Variants in CFAP74 observed in about 807,000 individuals in gnomAD.
The protein encoded by CFAP74 is cilia- and flagella-associated protein 74.
In CFAP74, 124 loss-of-function variants were observed where a neutral mutation model predicts 188.9. The observed-to-expected ratio is 0.66, with a 90% CI of 0.57 to 0.76. The LOEUF (loss-of-function observed/expected upper bound fraction) is 0.76. Ranked by LOEUF, CFAP74 falls within the 30% of genes least tolerant of loss-of-function variation. CFAP74 has a pLI of 0.00. For synonymous variants in CFAP74, 956 were observed against 916.7 expected (o/e 1.04, Z -0.77); for missense variants, 2,198 against 2,165.2 (o/e 1.02, Z -0.30).
chr1:1,960,135 A>G (rs1654975909), intron 14 of CFAP74, 105 bp from the exon 15 acceptor site: 2 of 957,356 alleles, frequency 2.1e-6, no homozygotes, highest in Admixed American at 5.2e-5. Context: ...CCTCCTCCCC[A>G]TCCCGGGCCT....
chr1:1,951,906 C>A (rs1420540942), intron 18 of CFAP74, among the ~76,000 whole-genome samples: 9 of 152,154 alleles, frequency 5.9e-5, no homozygotes, highest in Non-Finnish European at 1.2e-4. Context: ...CTCATGCAGA[C>A]TGCAGAGAAT....
rs1290853357 is a variant in CFAP74, at chr1:1,947,009, G to A, written c.2222C>T (p.Thr741Met). Reference sequence around the variant, plus strand: ...GCTGACCTCCCCCAGCGTGATCTCCGTCTGCTCTTCGCTGGGAGGTATCAC... The same window carrying A: ...GCTGACCTCCCCCAGCGTGATCTCCATCTGCTCTTCGCTGGGAGGTATCAC... Reference protein sequence around the residue: ...TTVIPPSEEQTEITLGEVTEG... With the variant: ...TTVIPPSEEQMEITLGEVTEG... Residue 741 changes from threonine to methionine, a missense_variant, in exon 19 of 39, where the codon ACG becomes ATG. By Grantham distance (81) the Thr-to-Met change is moderately conservative (BLOSUM62 -1). Transcript: ENST00000682832. The A allele has an allele frequency of 1.1e-5, 17 of 1,535,830 alleles. No homozygotes were observed. The highest frequency in any genetic ancestry group is 1.7e-4 in the Middle Eastern group (1 of 6,008).
intron 14 of CFAP74, among the ~76,000 whole-genome samples, chr1:1,961,917 T>C (rs951433394): frequency 6.6e-6 from 1 of 152,102 alleles, no homozygotes; most frequent in East Asian, 1.9e-4. Flanking sequence ...GGAGGGGCCA[T>C]CAGAGCCCAC....
intron 2 of CFAP74, among the ~76,000 whole-genome samples, chr1:1,989,407 G>GC (rs1187617752): frequency 3.9e-5 from 6 of 152,186 alleles, no homozygotes; most frequent in Non-Finnish European, 7.4e-5. Flanking sequence ...CCTGCCTACG[G>GC]CCCCCGAGCG....
chr1:1,963,456 CAAAAAAAAAA>C (rs772909618), intron 14 of CFAP74, among the ~76,000 whole-genome samples: 4 of 32,882 alleles, frequency 1.2e-4, no homozygotes, highest in South Asian at 4.1e-3. Context: ...GACTCCATCT[CAAAAAAAAAA>C]AAAAAAAAAA....
intron 14 of CFAP74, among the ~76,000 whole-genome samples, chr1:1,962,337 G>A (rs1655146816): frequency 1.3e-5 from 2 of 151,906 alleles, no homozygotes; most frequent in Admixed American, 1.3e-4. Flanking sequence ...TTAACCGGAC[G>A]TGGTGGCAGG....
chr1:1,933,265 G>A (rs1428655908), intron 25 of CFAP74, among the ~76,000 whole-genome samples: 1 of 149,574 alleles, frequency 6.7e-6, no homozygotes, highest in Non-Finnish European at 1.5e-5. Context: ...CTCACTGCAA[G>A]CTCTGCCTCC....
At chr1:1,989,654 T>C (rs532012864) in intron 2 of CFAP74, among the ~76,000 whole-genome samples, 40 of 152,058 alleles carry the variant, frequency 2.6e-4, no homozygotes, top group African/African-American at 9.2e-4. Context: ...AGAGAGAGGG[T>C]TTCCCTATGA....
In CFAP74 at chr1:1,974,463, G is replaced by A. The variant is rs141948681; in HGVS notation, c.501-265C>T. ...ACTCCCGCGTGCCACCTGCCGGCCT[G>A]AGGCTGTGTCCGTTGGCTGCGGTGG... On this transcript the variant is annotated intron_variant, in intron 6 of 38. Coordinates refer to ENST00000682832, the MANE Select transcript of CFAP74 (RefSeq NM_001304360.2). Among the ~76,000 whole-genome samples, 54 of 152,312 alleles carry A rather than the reference G, an allele frequency of 3.5e-4. 1 individual carries two copies. The East Asian group carries it at 9.3e-3, about 26-fold the overall frequency.
In CFAP74 at chr1:1,922,230, G is replaced by T; in HGVS notation, c.*57C>A. On this transcript the variant is annotated 3_prime_UTR_variant, in exon 39 of 39. Transcript: ENST00000682832. ...CTAGGGTAGTATGACCTGGCCCTCA[G>T]CCTGGGGAGGGCTTTGAGGGTGGAC... 7.4e-7 allele frequency: 1 copy of T among 1,355,360 alleles called. No individual in the cohort carries two copies. The highest frequency in any genetic ancestry group is 1.2e-5 in the South Asian group (1 of 83,228). The allele number at this position is 1,355,360 out of a possible 1,614,324, so 84.0% of individuals were successfully genotyped here. A position where few individuals can be genotyped will look rare whatever the true frequency, so the allele number is the denominator to read the frequency against.
chr1:1,960,389 C>T (rs1654998587), intron 14 of CFAP74, among the ~76,000 whole-genome samples: 1 of 152,234 alleles, frequency 6.6e-6, no homozygotes, highest in African/African-American at 2.4e-5. Context: ...GGCTCTAGGG[C>T]TTTGATACCA....
Position 1,956,510 on chromosome 1 carries a change from C to T in CFAP74, c.2016+110G>A, listed in dbSNP as rs1024876433. The T allele has an allele frequency of 7.3e-6, 10 of 1,362,146 alleles. No homozygotes were observed. In the African/African-American group the frequency reaches 1.1e-4, roughly 16 times the overall value. The allele number at this position is 1,362,146 out of a possible 1,614,324, so 84.4% of individuals were successfully genotyped here. On this transcript the variant is annotated intron_variant, in intron 17 of 38. Coordinates refer to ENST00000682832, the MANE Select transcript of CFAP74 (RefSeq NM_001304360.2). ...AGGAGGCCCCCACACTGCCCTCCTT[C>T]TCCCAGGCCCACTGTTGATACCCTC...
intron 10 of CFAP74, among the ~76,000 whole-genome samples, chr1:1,969,356 CCCAGA>C (rs1384377079): frequency 8.9e-5 from 13 of 145,578 alleles, no homozygotes; most frequent in African/African-American, 3.3e-4. Flanking sequence ...CCCAGCCCAG[CCCAGA>C]CCTTCCCAGT....
chr1:1,945,742 C>G (rs555029524), intron 20 of CFAP74, among the ~76,000 whole-genome samples: 4 of 151,266 alleles, frequency 2.6e-5, no homozygotes, highest in Non-Finnish European at 5.9e-5. Context: ...GCAGGAGGAT[C>G]ACTTGAGCCC....
At chr1:1,993,114 T>C (rs953299358) in intron 1 of CFAP74, among the ~76,000 whole-genome samples, 45 of 148,878 alleles carry the variant, frequency 3.0e-4, no homozygotes, top group Non-Finnish European at 3.0e-4. Flanking sequence ...GGCCCGAGAA[T>C]TGCTTGAGCC....
intron 1 of CFAP74, among the ~76,000 whole-genome samples, chr1:2,002,350 A>C (rs979532622): frequency 2.0e-5 from 3 of 151,404 alleles, no homozygotes; most frequent in African/African-American, 7.3e-5. Context: ...ATATTCTTTA[A>C]AATTTTATAT....
At position 1,942,027 on chromosome 1, in the gene CFAP74, C is replaced by A. The variant is rs973141979; in HGVS notation, c.2615+1G>T. ...CCCGGCCTTGGCGTCCTGGCACCTA[C>A]CGCGGCAGGAACTTGAGCTGCACGG... On this transcript the variant is annotated splice_donor_variant, in intron 22 of 38. Coordinates refer to ENST00000682832, the MANE Select transcript of CFAP74 (RefSeq NM_001304360.2). LOFTEE classifies it high-confidence loss of function. This position sits in a 1 kb window ranked among gnomAD's most constrained non-coding sequence, Gnocchi z 4.3. The A allele has an allele frequency of 6.0e-6, 9 of 1,497,288 alleles. No individual in the cohort carries two copies. Among genetic ancestry groups the A allele is most frequent in the Non-Finnish European group, 8.0e-6 (9 of 1,129,322 alleles). 92.8% of individuals were successfully genotyped at this position (1,497,288 alleles called of 1,614,324 possible). A position where few individuals can be genotyped will look rare whatever the true frequency, so the allele number is the denominator to read the frequency against.
chr1:1,946,985 C>T lies in CFAP74; in HGVS notation c.2241+5G>A. The stretch of plus-strand genomic sequence containing the variant: ...GCAGCTATTTTAGGGCCTGAGCTGG[C>T]TGACCTCCCCCAGCGTGATCTCCGT... On this transcript the variant is annotated splice_donor_5th_base_variant and intron_variant, in intron 19 of 38. Transcript: ENST00000682832. 1 of 1,534,320 alleles carries T rather than the reference C, an allele frequency of 6.5e-7. No individual in the cohort carries two copies. Among genetic ancestry groups the T allele is most frequent in the Non-Finnish European group, 8.7e-7 (1 of 1,145,284 alleles).
intron 18 of CFAP74, 68 bp from the exon 19 acceptor site, chr1:1,947,122 G>T: frequency 8.3e-7 from 1 of 1,198,884 alleles, no homozygotes; most frequent in Non-Finnish European, 1.2e-6. Context: ...AGGCCCCCTT[G>T]GGACGTGGTC....
Sources: gnomAD v4.1 joint callset for allele counts (sites outside exome capture counted in the v4.1 genomes callset) on GRCh38, gnomAD v4.1.1 for gene constraint, Gnocchi (gnomAD v3.1) non-coding constraint, MANE v1.5 for transcripts, NCBI Gene and HGNC (gene_info 2026-07-23, HGNC 2026-07-21) for gene names.